The following CDC42EP4 variants were observed in gnomAD, a reference collection of about 807,000 sequenced individuals.
CDC42EP4 encodes the protein CDC42 effector protein (Rho GTPase binding) 4.
CDC42EP4 carries 6 observed loss-of-function variants against 5.6 expected under a neutral mutation model. The observed-to-expected ratio is 1.07, with a 90% CI of 0.59 to 2.12. The LOEUF (loss-of-function observed/expected upper bound fraction) is 2.12, where lower values mean the gene tolerates loss of function less well. Ranked by LOEUF, CDC42EP4 falls within the 30% of genes most tolerant of loss-of-function variation. The pLI is 0.00. For synonymous variants in CDC42EP4, 230 were observed against 224.2 expected (o/e 1.03, Z -0.23); for missense variants, 490 against 508.6 (o/e 0.96, Z 0.35).
chr17:73,292,239 G>C (rs2062164919), intron 1 of CDC42EP4, among the ~76,000 whole-genome samples: 1 of 152,228 alleles, frequency 6.6e-6, no homozygotes, highest in African/African-American at 2.4e-5. Context: ...CCCTCTGCAG[G>C]GCCTTCCCCT....
At chr17:73,297,111 TG>T (rs1296908016) in intron 1 of CDC42EP4, among the ~76,000 whole-genome samples, 1 of 149,512 alleles carries the variant, frequency 6.7e-6, no homozygotes, top group Non-Finnish European at 1.5e-5. Flanking sequence ...CTGGCCAACA[TG>T]GTGAAACCCC....
In CDC42EP4 at chr17:73,309,038, C is replaced by CAAAAA. The variant is rs57714877; in HGVS notation, c.-113+2850_-113+2854dup. ...GGGCAACAGAGCAAAGCTCTGTCTC[C>CAAAAA]AAAAAAAAAAAAAAAAAAAAGGGTT... On this transcript the variant is annotated intron_variant, in intron 1 of 1. Coordinates refer to ENST00000335793, the MANE Select transcript of CDC42EP4 (RefSeq NM_012121.5). 8.4e-3 allele frequency among the ~76,000 whole-genome samples: 284 copies of CAAAAA among 34,000 alleles called. 25 individuals carry two copies. The highest frequency in any genetic ancestry group is 0.023 in the African/African-American group (195 of 8,396). 22.3% of individuals were successfully genotyped at this position (34,000 alleles called of 152,430 possible). A position where few individuals can be genotyped will look rare whatever the true frequency, so the allele number is the denominator to read the frequency against.
intron 1 of CDC42EP4, among the ~76,000 whole-genome samples, chr17:73,298,667 C>CT (rs2062200988): frequency 6.6e-6 from 1 of 152,256 alleles, no homozygotes; most frequent in Non-Finnish European, 1.5e-5. Flanking sequence ...TAGATCATCC[C>CT]TGGGGGTAGA....
chr17:73,295,131 A>C (rs2145315196), intron 1 of CDC42EP4, among the ~76,000 whole-genome samples: 1 of 151,886 alleles, frequency 6.6e-6, no homozygotes, highest in African/African-American at 2.4e-5. Flanking sequence ...TTTCTTATGT[A>C]CTCCTTGGGG....
chr17:73,289,739 GAGGA>G (rs909031313), intron 1 of CDC42EP4, among the ~76,000 whole-genome samples: 11 of 93,644 alleles, frequency 1.2e-4, no homozygotes, highest in South Asian at 4.5e-4. Flanking sequence ...GGGAGGGAGG[GAGGA>G]AGGGAGGGAG....
intron 1 of CDC42EP4, among the ~76,000 whole-genome samples, chr17:73,293,273 G>C (rs2062169980): frequency 6.6e-6 from 1 of 152,220 alleles, no homozygotes; most frequent in South Asian, 2.1e-4. Context: ...GAATGAAGGA[G>C]GGGAGCTGGA....
Position 73,286,494 on chromosome 17 carries a change from T to C in CDC42EP4, c.7A>G (p.Ile3Val). The change falls in exon 2 of 2, where the codon ATC (isoleucine) becomes GTC (valine). Residue 3 changes from isoleucine (I) to valine (V), a missense_variant. Transcript: ENST00000335793. This position sits in a 1 kb window ranked among gnomAD's most constrained non-coding sequence, Gnocchi z 7.7. ...GAGCTGGACACCAGTTGCTTGAGGA[T>C]TGGCATCTTGCTGGATGGGCGGGGA... MP[I>V]LKQLVSSSVH... 1.9e-6 allele frequency: 3 copies of C among 1,587,820 alleles called. No individual in the cohort carries two copies. The highest frequency in any genetic ancestry group is 2.2e-5 in the East Asian group (1 of 44,460).
In CDC42EP4 at chr17:73,289,973, G is replaced by A. The variant is rs138338132; in HGVS notation, c.-112-3361C>T. On this transcript the variant is annotated intron_variant, in intron 1 of 1. Transcript: ENST00000335793. ...CCTCAGTCACGTTGGGCATAGAAGG[G>A]AAAAAGGCCAAGCTTCAAACGAACT... Among the ~76,000 whole-genome samples the A allele has an allele frequency of 6.1e-3, 936 of 152,240 alleles. 9 individuals carry two copies. The highest frequency in any genetic ancestry group is 0.022 in the African/African-American group (902 of 41,548).
intron 1 of CDC42EP4, among the ~76,000 whole-genome samples, chr17:73,287,238 G>A (rs373263738): frequency 8.5e-5 from 13 of 152,208 alleles, no homozygotes; most frequent in African/African-American, 3.1e-4. Context: ...GGGACCCACA[G>A]AACCAGCTCC....
At chr17:73,297,159 T>C (rs1255251440) in intron 1 of CDC42EP4, among the ~76,000 whole-genome samples, 1 of 103,104 alleles carries the variant, frequency 9.7e-6, no homozygotes, top group Non-Finnish European at 2.4e-5. Flanking sequence ...CCAGGTGTGG[T>C]GGCAGGCGCC....
At chr17:73,299,123 T>A (rs2062203596) in intron 1 of CDC42EP4, among the ~76,000 whole-genome samples, 2 of 152,080 alleles carry the variant, frequency 1.3e-5, no homozygotes, top group East Asian at 1.9e-4. Flanking sequence ...ATGCCTGGTT[T>A]ATTAAAAATA....
chr17:73,285,811 C>A lies in CDC42EP4; in HGVS notation c.690G>T (p.Trp230Cys). 2.5e-6 allele frequency: 4 copies of A among 1,608,210 alleles called. No individual in the cohort carries two copies. The highest frequency in any genetic ancestry group is 3.4e-6 in the Non-Finnish European group (4 of 1,175,120). Residue 230 changes from tryptophan (W) to cysteine (C), a missense_variant, in exon 2 of 2, where the codon TGG becomes TGT. Transcript: ENST00000335793. This position sits in a 1 kb window ranked among gnomAD's most constrained non-coding sequence, Gnocchi z 6.8. ...DVLSIMDKEE[W>C]DPEEGEGGYH... is the part of the protein sequence containing the mutation. ...AACCACCCTCCCCCTCCTCGGGGTC[C>A]CACTCCTCCTTGTCCATGATGCTGA...
chr17:73,288,330 C>T (rs2062144193), intron 1 of CDC42EP4, among the ~76,000 whole-genome samples: 1 of 152,180 alleles, frequency 6.6e-6, no homozygotes, highest in South Asian at 2.1e-4. Flanking sequence ...CAACTTCTGC[C>T]TCCCGGGTTC....
chr17:73,299,374 G>A (rs2062205250), intron 1 of CDC42EP4, among the ~76,000 whole-genome samples: 1 of 93,378 alleles, frequency 1.1e-5, no homozygotes, highest in South Asian at 3.4e-4. Flanking sequence ...AGCTTGCAGT[G>A]AGCCGAGATC....
chr17:73,298,432 C>T (rs376307719), intron 1 of CDC42EP4, among the ~76,000 whole-genome samples: 5 of 152,230 alleles, frequency 3.3e-5, no homozygotes, highest in Admixed American at 1.3e-4. Context: ...TACCGGAGAT[C>T]GGCCTATTTC....
intron 1 of CDC42EP4, among the ~76,000 whole-genome samples, chr17:73,287,309 C>T (rs1220418828): frequency 6.6e-6 from 1 of 152,212 alleles, no homozygotes; most frequent in African/African-American, 2.4e-5. Context: ...GACGTCTCCA[C>T]TGTGGAGCCC....
At chr17:73,300,136 G>A (rs955911041) in intron 1 of CDC42EP4, among the ~76,000 whole-genome samples, 6 of 152,054 alleles carry the variant, frequency 3.9e-5, no homozygotes, top group East Asian at 1.9e-4. Context: ...CTCACTGCCC[G>A]CGTGCCAATC....
intron 1 of CDC42EP4, among the ~76,000 whole-genome samples, chr17:73,307,740 G>A (rs371449546): frequency 3.4e-5 from 5 of 147,676 alleles, no homozygotes; most frequent in Admixed American, 6.8e-5. Flanking sequence ...GAGCCACCAC[G>A]CCTGGCCCTG....
intron 1 of CDC42EP4, among the ~76,000 whole-genome samples, chr17:73,293,743 C>T (rs1265803017): frequency 6.6e-6 from 1 of 152,172 alleles, no homozygotes. Context: ...GGAACACTCA[C>T]CAGCCTTACC....
Sources: allele counts gnomAD v4.1 joint callset (sites outside exome capture counted in the v4.1 genomes callset), GRCh38; gene constraint gnomAD v4.1.1; non-coding constraint Gnocchi (gnomAD v3.1); transcripts MANE v1.5; gene names NCBI Gene and HGNC (gene_info 2026-07-23, HGNC 2026-07-21).